LYRM4: variants seen among roughly 807,000 people sequenced by gnomAD.
LYRM4 encodes LYR motif containing 4, also known as LYR motif-containing protein 4.
Under a neutral mutation model 11.7 loss-of-function variants are expected in LYRM4, and 9 were observed. That is an observed-to-expected ratio of 0.77 (90% CI 0.46 to 1.34). LYRM4 has a LOEUF of 1.34. LYRM4 is among the 40% of genes most tolerant of loss of function. The pLI, the probability that LYRM4 is intolerant of heterozygous loss-of-function variation, is 0.00. For missense variants in LYRM4, 133 were observed against 112.5 expected (o/e 1.18, Z -0.82); for synonymous variants, 42 against 40.4 (o/e 1.04, Z -0.15).
chr6:5,115,314 G>T (rs911409312), intron 2 of LYRM4, among the ~76,000 whole-genome samples: 29 of 152,288 alleles, frequency 1.9e-4, no homozygotes, highest in Non-Finnish European at 2.4e-4. Context: ...TCCGGCTGAC[G>T]CTCCCTCTGG....
intron 1 of LYRM4, among the ~76,000 whole-genome samples, chr6:5,230,436 C>T (rs1031803565): frequency 6.6e-6 from 1 of 152,162 alleles, no homozygotes; most frequent in Admixed American, 6.5e-5. Flanking sequence ...TTTCCCCCCA[C>T]CTATCAGAAT....
intron 2 of LYRM4, among the ~76,000 whole-genome samples, chr6:5,112,129 G>A (rs1225790158): frequency 6.6e-6 from 1 of 152,154 alleles, no homozygotes; most frequent in Non-Finnish European, 1.5e-5. Flanking sequence ...CTGTCCACCC[G>A]TTCGCTGCCT....
At chr6:5,110,888 G>A (rs1449736045) in intron 2 of LYRM4, among the ~76,000 whole-genome samples, 3 of 152,182 alleles carry the variant, frequency 2.0e-5, no homozygotes, top group African/African-American at 7.2e-5. Context: ...TAATGCTGAT[G>A]CTGCTGGTCC....
chr6:5,055,870 C>G, the LYRM4 span, among the ~76,000 whole-genome samples: 1 of 152,202 alleles, frequency 6.6e-6, no homozygotes, highest in African/African-American at 2.4e-5. The surrounding 1 kb of genome is among the most constrained non-coding windows in gnomAD (Gnocchi z 4.5). Flanking sequence ...GTGCACCCTG[C>G]CAGATAGACC....
At chr6:5,227,353 G>C (rs1762952728) in intron 1 of LYRM4, among the ~76,000 whole-genome samples, 1 of 152,196 alleles carries the variant, frequency 6.6e-6, no homozygotes, top group Admixed American at 6.5e-5. Context: ...ATCTATGAAA[G>C]GAGAGGGAGC....
intron 2 of LYRM4, chr6:5,113,169 T>C: frequency 3.1e-6 from 1 of 326,534 alleles, no homozygotes; most frequent in Non-Finnish European, 6.1e-6. Flanking sequence ...GTGCAGTGGC[T>C]TACGCCTATA....
chr6:5,148,454 G>C, intron 2 of LYRM4: 1 of 170,066 alleles, frequency 5.9e-6, no homozygotes, highest in Non-Finnish European at 1.3e-5. Flanking sequence ...ATTCTGAATC[G>C]TAATCCTGAG....
intron 2 of LYRM4, among the ~76,000 whole-genome samples, chr6:5,140,829 T>G (rs1292482976): frequency 6.6e-6 from 1 of 152,338 alleles, no homozygotes; most frequent in Middle Eastern, 3.4e-3. Context: ...AACCAAAACG[T>G]AGACTTTCCT....
chr6:5,223,456 A>C (rs1762704238), intron 1 of LYRM4, among the ~76,000 whole-genome samples: 1 of 152,138 alleles, frequency 6.6e-6, no homozygotes, highest in Admixed American at 6.5e-5. Flanking sequence ...TTGACTCTAG[A>C]GCCTGTGATT....
the LYRM4 span, among the ~76,000 whole-genome samples, chr6:5,037,846 G>A: frequency 1.9e-5 from 1 of 51,892 alleles, no homozygotes; most frequent in Non-Finnish European, 4.6e-5. Context: ...CGGACGGGGC[G>A]GCTGGCCGGG....
At chr6:5,259,190 T>C (rs1312568678) in intron 1 of LYRM4, among the ~76,000 whole-genome samples, 2 of 152,212 alleles carry the variant, frequency 1.3e-5, no homozygotes, top group Non-Finnish European at 2.9e-5. Context: ...TCCAAGTCCT[T>C]GTGTATCCTG....
chr6:5,154,996 C>T (rs186807316), intron 2 of LYRM4, among the ~76,000 whole-genome samples: 5 of 152,230 alleles, frequency 3.3e-5, no homozygotes, highest in African/African-American at 7.2e-5. Context: ...GATGCATAGA[C>T]GGAGCAAGAG....
At chr6:5,082,922 TC>T in the LYRM4 span, among the ~76,000 whole-genome samples, 108,876 of 152,090 alleles carry the variant, frequency 0.72, 40,923 homozygotes, top group East Asian at 0.9. Context: ...TCCGAGCTGT[TC>T]CTTCCACCTC....
the LYRM4 span, among the ~76,000 whole-genome samples, chr6:5,049,805 G>T: frequency 6.6e-6 from 1 of 152,132 alleles, no homozygotes; most frequent in Admixed American, 6.5e-5. Flanking sequence ...CAGTAGTTGG[G>T]ATTATAGGCG....
the LYRM4 span, among the ~76,000 whole-genome samples, chr6:5,035,118 C>A: frequency 6.6e-6 from 1 of 152,080 alleles, no homozygotes; most frequent in Non-Finnish European, 1.5e-5. Context: ...CAGACGCTCA[C>A]AGAACCCAAC....
intron 2 of LYRM4, among the ~76,000 whole-genome samples, chr6:5,172,999 A>G (rs965473541): frequency 1.3e-5 from 2 of 152,224 alleles, no homozygotes; most frequent in African/African-American, 4.8e-5. Context: ...ATTATTCAGA[A>G]AGACAGGTTT....
chr6:5,033,894 G>A, the LYRM4 span: 1 of 152,214 alleles, frequency 6.6e-6, no homozygotes, highest in East Asian at 1.9e-4. Context: ...CTTGTACAGA[G>A]CAGGGAAAAA....
At chr6:5,054,841 C>G in the LYRM4 span, among the ~76,000 whole-genome samples, 2 of 152,100 alleles carry the variant, frequency 1.3e-5, no homozygotes, top group Admixed American at 1.3e-4. Flanking sequence ...AATCACATGA[C>G]GGATATCAGG....
At chr6:5,125,623 T>C (rs935501911) in intron 2 of LYRM4, among the ~76,000 whole-genome samples, 1 of 152,208 alleles carries the variant, frequency 6.6e-6, no homozygotes, top group African/African-American at 2.4e-5. Flanking sequence ...AGCCTGCAGC[T>C]GAGCCTGGCA....
Sources: allele counts gnomAD v4.1 joint callset (sites outside exome capture counted in the v4.1 genomes callset), GRCh38; gene constraint gnomAD v4.1.1; non-coding constraint Gnocchi (gnomAD v3.1); transcripts MANE v1.5; gene names NCBI Gene and HGNC (gene_info 2026-07-23, HGNC 2026-07-21).